The following AP3S2 variants were observed in gnomAD, a reference collection of about 807,000 sequenced individuals.
AP3S2 encodes the protein AP-3 complex subunit sigma-2.
In AP3S2, 22 loss-of-function variants were observed where a neutral mutation model predicts 23.4. That is an observed-to-expected ratio of 0.94 (90% CI 0.67 to 1.34). The LOEUF (loss-of-function observed/expected upper bound fraction) is 1.34. AP3S2 is among the 40% of genes most tolerant of loss of function. The pLI, the probability that AP3S2 is intolerant of heterozygous loss-of-function variation, is 0.00. For missense variants in AP3S2, 241 were observed against 236.9 expected (o/e 1.02, Z -0.11); for synonymous variants, 86 against 87.1 (o/e 0.99, Z 0.07).
chr15:89,890,190 C>G (rs577600393), intron 1 of AP3S2, among the ~76,000 whole-genome samples: 36 of 152,108 alleles, frequency 2.4e-4, no homozygotes, highest in African/African-American at 8.0e-4. Context: ...GCTGAGATTA[C>G]AGGTATGTGC....
At chr15:89,884,128 T>C (rs578046958) in intron 3 of AP3S2, 1 of 154,118 alleles carries the variant, frequency 6.5e-6, no homozygotes, top group African/African-American at 2.4e-5. Flanking sequence ...AGTAAACAGT[T>C]ACATTAATAA....
intron 3 of AP3S2, among the ~76,000 whole-genome samples, chr15:89,875,632 TAAAG>T (rs1896424887): frequency 1.3e-5 from 2 of 152,072 alleles, no homozygotes; most frequent in Non-Finnish European, 2.9e-5. Context: ...ATTATTCTGA[TAAAG>T]GAAGAGAGGG....
At chr15:89,847,925 C>A (rs559718370) in intron 4 of AP3S2, among the ~76,000 whole-genome samples, 1 of 152,316 alleles carries the variant, frequency 6.6e-6, no homozygotes, top group Admixed American at 6.5e-5. Flanking sequence ...CTAATATGAA[C>A]AATACTGTTT....
At position 89,831,702 on chromosome 15, in the gene AP3S2, G is replaced by C. The variant is rs1027288069; in HGVS notation, c.*3813C>G. 6.6e-6 allele frequency: 1 copy of C among 152,312 alleles called. No homozygotes were observed. The highest frequency in any genetic ancestry group is 2.4e-5 in the African/African-American group (1 of 41,472). The allele number at this position is 152,312 out of a possible 1,614,324, so 9.4% of individuals were successfully genotyped here. A position where few individuals can be genotyped will look rare whatever the true frequency, so the allele number is the denominator to read the frequency against. ...AGTGGGCTCCATGGTAGTGGAAGTG[G>C]TGGGGACAGAAGGCTGGCTCTATAT... On this transcript the variant is annotated 3_prime_UTR_variant, in exon 6 of 6. Transcript: ENST00000336418.
At chr15:89,877,987 G>A (rs1350453916) in intron 3 of AP3S2, among the ~76,000 whole-genome samples, 2 of 152,178 alleles carry the variant, frequency 1.3e-5, no homozygotes, top group Admixed American at 6.5e-5. Flanking sequence ...TTTTTGGTTC[G>A]TGAATTCTAC....
intron 4 of AP3S2, among the ~76,000 whole-genome samples, chr15:89,868,788 G>A: frequency 1.6e-5 from 2 of 122,118 alleles, no homozygotes; most frequent in African/African-American, 3.4e-5. Context: ...GAGCCCCTCT[G>A]CCCGGCCAGC....
intron 4 of AP3S2, among the ~76,000 whole-genome samples, chr15:89,844,573 T>C (rs1468801088): frequency 6.6e-6 from 1 of 151,902 alleles, no homozygotes; most frequent in Non-Finnish European, 1.5e-5. Context: ...GGTCTTGAAC[T>C]CCTGAGCTCA....
chr15:89,891,576 T>C (rs1229515051), intron 1 of AP3S2, among the ~76,000 whole-genome samples: 1 of 151,400 alleles, frequency 6.6e-6, no homozygotes, highest in African/African-American at 2.4e-5. Context: ...GGAGAATCAC[T>C]TGAACCCGGG....
intron 1 of AP3S2, 118 bp downstream of exon 1, chr15:89,893,763 C>A (rs1896873001): frequency 3.0e-6 from 3 of 987,918 alleles, no homozygotes; most frequent in Non-Finnish European, 4.5e-6. Flanking sequence ...GAGGGTCATG[C>A]TCGGTGCAGG....
At chr15:89,840,676 C>T (rs1895307181) in intron 4 of AP3S2, among the ~76,000 whole-genome samples, 1 of 152,192 alleles carries the variant, frequency 6.6e-6, no homozygotes, top group East Asian at 1.9e-4. Context: ...GATCCCCCTG[C>T]CTTGGCCTCC....
At chr15:89,868,571 G>T (rs1210984389) in intron 4 of AP3S2, among the ~76,000 whole-genome samples, 1 of 123,156 alleles carries the variant, frequency 8.1e-6, no homozygotes. Flanking sequence ...GAGGTGGGGG[G>T]GTCAGCCCTC....
chr15:89,868,922 C>T (rs1896239940), intron 4 of AP3S2, among the ~76,000 whole-genome samples: 5 of 145,884 alleles, frequency 3.4e-5, no homozygotes, highest in Admixed American at 6.7e-5. Flanking sequence ...TCTGCCCGGC[C>T]AGCCGCCCCG....
At chr15:89,858,665 G>A (rs1040501593) in intron 4 of AP3S2, among the ~76,000 whole-genome samples, 2 of 152,140 alleles carry the variant, frequency 1.3e-5, no homozygotes, top group Non-Finnish European at 2.9e-5. Context: ...CTTTCAGGGT[G>A]CCTATAAATC....
Position 89,835,532 on chromosome 15 carries a change from G to A in AP3S2, c.565C>T (p.Leu189=). 8 of 1,613,844 alleles carry A rather than the reference G, an allele frequency of 5.0e-6. No homozygotes were observed. The highest frequency in any genetic ancestry group is 6.8e-6 in the Non-Finnish European group (8 of 1,179,954). The part of the protein sequence containing the change: ...IGDLNIKVPN[L]SQFV ...CTTGATCCTCAGACAAACTGGGACAGGTTGGGAACTTTGATGTTGAGATCG... is the reference window on the plus strand; with the variant it reads ...CTTGATCCTCAGACAAACTGGGACAAGTTGGGAACTTTGATGTTGAGATCG... The change falls in exon 6 of 6, where the codon CTG becomes TTG. Residue 189 remains leucine (L), a synonymous_variant. Coordinates refer to ENST00000336418, the MANE Select transcript of AP3S2 (RefSeq NM_005829.5).
intron 3 of AP3S2, 141 bp from the exon 4 acceptor site, chr15:89,871,687 T>G (rs1382640229): frequency 9.9e-6 from 8 of 810,862 alleles, no homozygotes; most frequent in African/African-American, 8.8e-5. Context: ...CACCTACCTT[T>G]TGTCTCCAGC....
chr15:89,868,304 C>T (rs1368173014), intron 4 of AP3S2, among the ~76,000 whole-genome samples: 1 of 80,932 alleles, frequency 1.2e-5, no homozygotes, highest in Admixed American at 1.1e-4. Flanking sequence ...GTGAGGAGCC[C>T]CTCTGCCCGG....
At chr15:89,847,375 CAAAAAA>C (rs11314336) in intron 4 of AP3S2, among the ~76,000 whole-genome samples, 24 of 62,606 alleles carry the variant, frequency 3.8e-4, no homozygotes, top group East Asian at 3.1e-3. Flanking sequence ...GACCCTGTTA[CAAAAAA>C]AAAAAAAAAA....
intron 1 of AP3S2, among the ~76,000 whole-genome samples, chr15:89,889,863 CAAA>C (rs940624860): frequency 4.1e-3 from 79 of 19,236 alleles, no homozygotes; most frequent in African/African-American, 0.013. Flanking sequence ...GACTCCATCT[CAAA>C]AAAAAAAAAA....
At chr15:89,866,700 G>C (rs1896131906) in intron 4 of AP3S2, among the ~76,000 whole-genome samples, 1 of 151,866 alleles carries the variant, frequency 6.6e-6, no homozygotes, top group African/African-American at 2.4e-5. Flanking sequence ...GGTTAGGCTG[G>C]TCTCGAACTC....
Sources: gnomAD v4.1 joint callset for allele counts (sites outside exome capture counted in the v4.1 genomes callset) on GRCh38, gnomAD v4.1.1 for gene constraint, MANE v1.5 for transcripts, NCBI Gene and HGNC (gene_info 2026-07-23, HGNC 2026-07-21) for gene names.